PAN3: variants seen among roughly 807,000 people sequenced by gnomAD.
PAN3 encodes PAN2-PAN3 deadenylation complex subunit PAN3.
In PAN3, 19 loss-of-function variants were observed where a neutral mutation model predicts 96.2. That is an observed-to-expected ratio of 0.20 (90% CI 0.14 to 0.29). The LOEUF (loss-of-function observed/expected upper bound fraction) is 0.29. Among genes scored for constraint, PAN3 ranks in the 10% least tolerant of loss-of-function variants. The probability of loss-of-function intolerance (pLI) is 1.00; values close to 1 mark genes in which losing one functional copy is unlikely to be tolerated. For missense variants in PAN3, 882 were observed against 1,108.1 expected (o/e 0.80, Z 2.90); for synonymous variants, 433 against 406.6 (o/e 1.06, Z -0.78).
intron 2 of PAN3, among the ~76,000 whole-genome samples, chr13:28,175,442 G>T (rs532955016): frequency 6.6e-6 from 1 of 152,256 alleles, no homozygotes; most frequent in South Asian, 2.1e-4. Context: ...CAGAGATGAG[G>T]TCTGTGTTGC....
At chr13:28,250,576 A>G (rs1334589226) in intron 6 of PAN3, among the ~76,000 whole-genome samples, 1 of 152,190 alleles carries the variant, frequency 6.6e-6, no homozygotes, top group African/African-American at 2.4e-5. Flanking sequence ...CATGTTGGCC[A>G]GGCTGGTCTC....
chr13:28,153,967 G>C (rs1380398436), intron 1 of PAN3, among the ~76,000 whole-genome samples: 1 of 152,062 alleles, frequency 6.6e-6, no homozygotes, highest in Non-Finnish European at 1.5e-5. Context: ...AAACTTTTTA[G>C]GCCATTTATT....
intron 5 of PAN3, among the ~76,000 whole-genome samples, chr13:28,217,644 CTATT>C (rs1190387485): frequency 1.3e-5 from 2 of 151,436 alleles, no homozygotes; most frequent in Non-Finnish European, 2.9e-5. Context: ...GAATCTTAGA[CTATT>C]GAATGAACAT....
intron 5 of PAN3, among the ~76,000 whole-genome samples, chr13:28,204,105 G>A (rs979283030): frequency 3.9e-5 from 6 of 152,208 alleles, no homozygotes; most frequent in South Asian, 2.1e-4. Flanking sequence ...GACCACGCCC[G>A]ACCAGCTTCT....
At chr13:28,257,415 G>GTC in intron 7 of PAN3, among the ~76,000 whole-genome samples, 1 of 151,630 alleles carries the variant, frequency 6.6e-6, no homozygotes, top group East Asian at 1.9e-4. Flanking sequence ...GAGTGAGAAA[G>GTC]TCAGAGTCCA....
intron 9 of PAN3, among the ~76,000 whole-genome samples, chr13:28,265,604 C>G (rs1886094621): frequency 6.6e-6 from 1 of 152,060 alleles, no homozygotes; most frequent in African/African-American, 2.4e-5. Context: ...AAGTATTTGG[C>G]AAATGCAGAG....
At chr13:28,182,972 T>C (rs1217574576) in intron 4 of PAN3, among the ~76,000 whole-genome samples, 1 of 152,184 alleles carries the variant, frequency 6.6e-6, no homozygotes, top group East Asian at 1.9e-4. Context: ...TTATTTCTAT[T>C]CTAGGCAAGC....
chr13:28,208,829 C>T (rs899201091), intron 5 of PAN3, among the ~76,000 whole-genome samples: 2 of 152,100 alleles, frequency 1.3e-5, no homozygotes, highest in East Asian at 1.9e-4. Flanking sequence ...TGAATTCTTA[C>T]GATAATTCCA....
At chr13:28,144,407 G>A (rs958102699) in intron 1 of PAN3, among the ~76,000 whole-genome samples, 5 of 151,712 alleles carry the variant, frequency 3.3e-5, no homozygotes, top group African/African-American at 1.2e-4. Context: ...AGTAGAGACG[G>A]GGTTTCACCG....
intron 14 of PAN3, among the ~76,000 whole-genome samples, chr13:28,273,607 A>G (rs1182078991): frequency 1.3e-5 from 2 of 152,178 alleles, no homozygotes; most frequent in Admixed American, 1.3e-4. Flanking sequence ...TCTCAAAAAA[A>G]AAAAAGAGAA....
intron 4 of PAN3, among the ~76,000 whole-genome samples, chr13:28,192,714 G>A (rs573809270): frequency 6.6e-6 from 1 of 152,302 alleles, no homozygotes; most frequent in South Asian, 2.1e-4. Flanking sequence ...TAAGGTGTGT[G>A]TTGTGTTCCA....
At chr13:28,153,996 G>C (rs2001395) in intron 1 of PAN3, among the ~76,000 whole-genome samples, 4,976 of 152,208 alleles carry the variant, frequency 0.033, 113 homozygotes, top group Non-Finnish European at 0.04. Flanking sequence ...GGCAGCTTTC[G>C]ATTATGTAGA....
chr13:28,277,983 G>T (rs1887192748), intron 15 of PAN3, among the ~76,000 whole-genome samples: 1 of 152,262 alleles, frequency 6.6e-6, no homozygotes, highest in Non-Finnish European at 1.5e-5. Context: ...AACCCATTGT[G>T]TGGACTACTG....
At chr13:28,258,746 G>A (rs1885426305) in intron 7 of PAN3, among the ~76,000 whole-genome samples, 1 of 152,048 alleles carries the variant, frequency 6.6e-6, no homozygotes, top group African/African-American at 2.4e-5. Flanking sequence ...GTATCCAAGG[G>A]GGATTGATTC....
chr13:28,188,562 CT>C (rs1171391745), intron 4 of PAN3, among the ~76,000 whole-genome samples: 1 of 151,836 alleles, frequency 6.6e-6, no homozygotes, highest in African/African-American at 2.4e-5. Flanking sequence ...AGTTGGGCCA[CT>C]GCACTGCAGC....
intron 1 of PAN3, among the ~76,000 whole-genome samples, chr13:28,142,095 G>C (rs1869930939): frequency 6.6e-6 from 1 of 152,178 alleles, no homozygotes; most frequent in Non-Finnish European, 1.5e-5. Context: ...TCTGTGATAG[G>C]CTTCTTGGTA....
At chr13:28,144,128 C>T (rs539994893) in intron 1 of PAN3, among the ~76,000 whole-genome samples, 1 of 149,428 alleles carries the variant, frequency 6.7e-6, no homozygotes, top group Admixed American at 6.7e-5. Context: ...AACAAAAAAA[C>T]ATAATTCAGC....
intron 5 of PAN3, chr13:28,215,573 T>C (rs983501723): frequency 8.1e-6 from 6 of 741,780 alleles, no homozygotes; most frequent in Middle Eastern, 3.8e-4. Context: ...AAATCAGTGC[T>C]GTCTATGCCC....
intron 16 of PAN3, among the ~76,000 whole-genome samples, chr13:28,280,981 G>A (rs760542974): frequency 2.0e-5 from 3 of 152,060 alleles, no homozygotes; most frequent in Non-Finnish European, 4.4e-5. Flanking sequence ...TATTTTTGTC[G>A]GCACTGAATG....
Sources: gnomAD v4.1 joint callset for allele counts (sites outside exome capture counted in the v4.1 genomes callset) on GRCh38, gnomAD v4.1.1 for gene constraint, MANE v1.5 for transcripts, NCBI Gene and HGNC (gene_info 2026-07-23, HGNC 2026-07-21) for gene names.